Variants in MASTL observed in about 807,000 individuals in gnomAD.
The protein encoded by MASTL is serine/threonine-protein kinase greatwall.
Under a neutral mutation model 82.5 loss-of-function variants are expected in MASTL, and 54 were observed. The observed-to-expected ratio is 0.65, with a 90% confidence interval of 0.53 to 0.82. The LOEUF is 0.82. Ranked by LOEUF, MASTL falls within the 40% of genes least tolerant of loss-of-function variation. MASTL has a pLI of 0.00. For synonymous variants in MASTL, 323 were observed against 368.9 expected, an observed-to-expected ratio of 0.88 and a Z score of 1.43; for missense variants, 950 against 1,047.8, an observed-to-expected ratio of 0.91 and a Z score of 1.29.
chr10:27,158,806 C>A, intron 2 of MASTL, 120 bp downstream of exon 2: 1 of 1,084,896 alleles, frequency 9.2e-7, no homozygotes, highest in Non-Finnish European at 1.4e-6. Flanking sequence ...GCACTCACTG[C>A]CTTGGCAAAT....
intron 1 of MASTL, among the ~76,000 whole-genome samples, chr10:27,156,817 G>T (rs1225318386): frequency 7.0e-6 from 1 of 143,688 alleles, no homozygotes; most frequent in Admixed American, 7.1e-5. Context: ...ACCGCGCCCT[G>T]CCCTGCTATG....
chr10:27,181,815 C>G (rs1194153858), intron 11 of MASTL, among the ~76,000 whole-genome samples: 1 of 152,068 alleles, frequency 6.6e-6, no homozygotes, highest in African/African-American at 2.4e-5. Context: ...TGGCTCAGGC[C>G]TGTAATCCAA....
chr10:27,169,151 T>G (rs890465424), intron 7 of MASTL, among the ~76,000 whole-genome samples: 2 of 152,220 alleles, frequency 1.3e-5, no homozygotes, highest in African/African-American at 4.8e-5. Context: ...CATTTCATCC[T>G]TATCAGCTTG....
chr10:27,155,336 G>A, upstream of MASTL: 1 of 1,328,922 alleles, frequency 7.5e-7, no homozygotes, highest in Non-Finnish European at 1.0e-6. Context: ...GCCGCGCGCG[G>A]CGTGGGCGGA....
intron 5 of MASTL, 73 bp downstream of exon 5, chr10:27,165,243 A>T (rs1435508088): frequency 5.4e-6 from 7 of 1,305,712 alleles, no homozygotes; most frequent in African/African-American, 4.5e-5. Flanking sequence ...AATCACCTTT[A>T]AAAAAAAAGA....
At chr10:27,165,205 C>A (rs1336892229) in intron 5 of MASTL, 35 bp downstream of exon 5, 1 of 1,450,610 alleles carries the variant, frequency 6.9e-7, no homozygotes, top group Non-Finnish European at 9.7e-7. Context: ...CATGACATAC[C>A]CCTTCATGAT....
In MASTL at chr10:27,158,691, G is replaced by A. The variant is rs1293174007; in HGVS notation, c.324+5G>A. 5.6e-6 allele frequency: 9 copies of A among 1,613,282 alleles called. No individual in the cohort carries two copies. The highest frequency in any genetic ancestry group is 1.3e-5 in the African/African-American group (1 of 74,876). The stretch of plus-strand genomic sequence containing the variant: ...TCTGCAAACAATGTCTACTTGGTGA[G>A]TAAATAATTTTTATGTTGTTTCTTT... On this transcript the variant is annotated splice_donor_5th_base_variant and intron_variant, in intron 2 of 11. Coordinates refer to ENST00000375940, the MANE Select transcript of MASTL (RefSeq NM_001172303.3).
At chr10:27,155,969 C>T (rs1295580683) in intron 1 of MASTL, among the ~76,000 whole-genome samples, 2 of 152,160 alleles carry the variant, frequency 1.3e-5, no homozygotes, top group Non-Finnish European at 2.9e-5. Flanking sequence ...AAGCCAAAGC[C>T]GTGATTCGTA....
chr10:27,158,194 A>T (rs988776813), intron 1 of MASTL, among the ~76,000 whole-genome samples: 1 of 152,178 alleles, frequency 6.6e-6, no homozygotes, highest in African/African-American at 2.4e-5. Flanking sequence ...CGTTTTCATG[A>T]TGGCAACTTT....
rs564279928 is a variant in MASTL, at chr10:27,157,856, A to C, written c.187-693A>C. Among the ~76,000 whole-genome samples the C allele has an allele frequency of 6.6e-5, 10 of 152,100 alleles. No individual in the cohort carries two copies. In the South Asian group the frequency reaches 2.1e-3, roughly 32 times the overall value. ...CTTTCTGATTCTATCCCCATCTATC[A>C]AAAAATCAGAAGTTAAAAAAAAAAA... On this transcript the variant is annotated intron_variant, in intron 1 of 11. Transcript: ENST00000375940.
At chr10:27,172,839 C>T (rs1182441433) in intron 8 of MASTL, among the ~76,000 whole-genome samples, 1 of 152,096 alleles carries the variant, frequency 6.6e-6, no homozygotes. Flanking sequence ...CAGATTTTTT[C>T]ACTGAACATT....
At chr10:27,161,896 C>T (rs551162622) in intron 4 of MASTL, among the ~76,000 whole-genome samples, 2 of 152,194 alleles carry the variant, frequency 1.3e-5, no homozygotes, top group South Asian at 4.1e-4. Flanking sequence ...ATATACACGG[C>T]CACCACTAAG....
rs112164028 is a variant in MASTL at position 27,180,731 on chromosome 10, C to T, written c.2267-222C>T. On this transcript the variant is annotated intron_variant, in intron 9 of 11. Transcript: ENST00000375940. The stretch of plus-strand genomic sequence containing the variant: ...TGTATCAATCAAGGGTCTGGTGATA[C>T]GTGGGCACAGGACAATTGTGAGTTA... Among the ~76,000 whole-genome samples, 8,514 of 152,152 alleles carry T rather than the reference C, an allele frequency of 0.056. 258 individuals are homozygous for T. Among genetic ancestry groups the T allele is most frequent in the African/African-American group, 0.083 (3,431 of 41,516 alleles).
At chr10:27,173,059 T>C (rs1167004286) in intron 8 of MASTL, 59 bp from the exon 9 acceptor site, 1 of 1,595,138 alleles carries the variant, frequency 6.3e-7, no homozygotes, top group African/African-American at 1.3e-5. Context: ...TTCACCATTT[T>C]CTATTCGGTG....
chr10:27,171,945 C>G (rs2057960375), intron 8 of MASTL, among the ~76,000 whole-genome samples: 3 of 143,960 alleles, frequency 2.1e-5, no homozygotes, highest in African/African-American at 7.7e-5. Flanking sequence ...TCTCCTGCTT[C>G]AGCCTCCTGA....
At chr10:27,164,599 G>C (rs1482367453) in intron 4 of MASTL, among the ~76,000 whole-genome samples, 1 of 152,042 alleles carries the variant, frequency 6.6e-6, no homozygotes, top group Non-Finnish European at 1.5e-5. Flanking sequence ...GCTAACGTGA[G>C]GGGCCTAAAA....
chr10:27,184,467 A>G (rs1313445985), intron 11 of MASTL, among the ~76,000 whole-genome samples: 1 of 150,388 alleles, frequency 6.6e-6, no homozygotes, highest in Non-Finnish European at 1.5e-5. Flanking sequence ...GAGTCCTTGT[A>G]GTATTATTTC....
chr10:27,160,881 T>C (rs1012346965), intron 3 of MASTL, among the ~76,000 whole-genome samples: 1 of 152,244 alleles, frequency 6.6e-6, no homozygotes, highest in African/African-American at 2.4e-5. Flanking sequence ...AATCTAGTAT[T>C]AATTTATCTT....
intron 9 of MASTL, among the ~76,000 whole-genome samples, chr10:27,174,188 C>G (rs568883828): frequency 2.5e-4 from 38 of 151,734 alleles, no homozygotes; most frequent in Non-Finnish European, 4.9e-4. Flanking sequence ...AACCTCACCT[C>G]TACTAAAAAC....
Sources: allele counts gnomAD v4.1 joint callset (sites outside exome capture counted in the v4.1 genomes callset), GRCh38; gene constraint gnomAD v4.1.1; transcripts MANE v1.5; gene names NCBI Gene and HGNC (gene_info 2026-07-23, HGNC 2026-07-21).